Variants in UVRAG observed in about 807,000 individuals in gnomAD.
UVRAG encodes UV radiation resistance-associated gene protein.
In UVRAG, 19 loss-of-function variants were observed where a neutral mutation model predicts 78.0. That is an observed-to-expected ratio of 0.24 (90% CI 0.17 to 0.36). UVRAG has a LOEUF of 0.36. Among genes scored for constraint, UVRAG ranks in the 10% least tolerant of loss-of-function variants. The pLI, the probability that UVRAG is intolerant of heterozygous loss-of-function variation, is 1.00. For synonymous variants in UVRAG, 323 were observed against 324.6 expected, an observed-to-expected ratio of 1.00 and a Z score of 0.05; for missense variants, 740 against 853.8, an observed-to-expected ratio of 0.87 and a Z score of 1.66.
intron 13 of UVRAG, among the ~76,000 whole-genome samples, chr11:76,089,258 T>C (rs1288328043): frequency 6.6e-6 from 1 of 152,186 alleles, no homozygotes; most frequent in Admixed American, 6.5e-5. Flanking sequence ...CCCCAAAATA[T>C]ATGCCTGTGG....
chr11:76,009,851 TTGAA>T (rs1469395223), intron 11 of UVRAG, among the ~76,000 whole-genome samples: 1 of 152,204 alleles, frequency 6.6e-6, no homozygotes, highest in Admixed American at 6.5e-5. Context: ...TCCTAATTGA[TTGAA>T]TGAACTATTA....
At chr11:76,045,845 A>G (rs540972438) in intron 12 of UVRAG, among the ~76,000 whole-genome samples, 4 of 152,280 alleles carry the variant, frequency 2.6e-5, no homozygotes, top group African/African-American at 9.6e-5. Flanking sequence ...AAGTTATCCA[A>G]CAAATAATAA....
intron 12 of UVRAG, among the ~76,000 whole-genome samples, chr11:76,040,911 T>A (rs1950637167): frequency 6.6e-6 from 1 of 152,074 alleles, no homozygotes; most frequent in Admixed American, 6.6e-5. Context: ...ACGGTAACAA[T>A]CAGCAGACAA....
chr11:76,052,124 T>C (rs1316504393), intron 12 of UVRAG, among the ~76,000 whole-genome samples: 2 of 152,232 alleles, frequency 1.3e-5, no homozygotes, highest in Non-Finnish European at 2.9e-5. Flanking sequence ...ATTAGGCTGA[T>C]TATATGAGCA....
intron 13 of UVRAG, among the ~76,000 whole-genome samples, chr11:76,102,551 G>C (rs970793033): frequency 1.3e-5 from 2 of 152,024 alleles, no homozygotes; most frequent in Non-Finnish European, 2.9e-5. Context: ...CTGTTAGGAT[G>C]CCCTTTATTT....
intron 5 of UVRAG, among the ~76,000 whole-genome samples, chr11:75,898,981 T>G (rs972840896): frequency 2.6e-5 from 4 of 152,144 alleles, no homozygotes; most frequent in African/African-American, 9.7e-5. Flanking sequence ...GTAAAGCCAA[T>G]ATTTTAATAA....
At chr11:76,087,356 T>C (rs1951605950) in intron 13 of UVRAG, among the ~76,000 whole-genome samples, 1 of 152,244 alleles carries the variant, frequency 6.6e-6, no homozygotes, top group Admixed American at 6.5e-5. Flanking sequence ...GTCCCTACTT[T>C]GTTTTCTTTT....
intron 14 of UVRAG, among the ~76,000 whole-genome samples, chr11:76,135,317 A>G (rs1416455350): frequency 6.6e-6 from 1 of 152,194 alleles, no homozygotes; most frequent in Non-Finnish European, 1.5e-5. Flanking sequence ...AGATAAGAAA[A>G]GATAGTTGAT....
At chr11:75,965,824 GT>G (rs1487589735) in intron 7 of UVRAG, among the ~76,000 whole-genome samples, 13 of 152,032 alleles carry the variant, frequency 8.6e-5, no homozygotes, top group Non-Finnish European at 1.6e-4. Flanking sequence ...GTTATTTATA[GT>G]TTTTTGGGAT....
At chr11:75,831,515 A>C (rs923465231) in intron 1 of UVRAG, among the ~76,000 whole-genome samples, 2 of 144,520 alleles carry the variant, frequency 1.4e-5, no homozygotes, top group Non-Finnish European at 3.0e-5. Context: ...AAAAAAAAAA[A>C]CAAAACTAGT....
intron 3 of UVRAG, among the ~76,000 whole-genome samples, chr11:75,864,010 T>C (rs955479932): frequency 1.3e-5 from 2 of 152,134 alleles, no homozygotes; most frequent in African/African-American, 4.8e-5. Context: ...TTTGAGATTT[T>C]GGCAAGGATT....
chr11:75,854,806 G>T (rs569547268), intron 2 of UVRAG, among the ~76,000 whole-genome samples: 3 of 152,244 alleles, frequency 2.0e-5, no homozygotes, highest in Non-Finnish European at 2.9e-5. Context: ...GCTACTATTT[G>T]GTTTAAGGGT....
At chr11:76,133,510 A>G (rs894022987) in intron 14 of UVRAG, among the ~76,000 whole-genome samples, 1 of 152,214 alleles carries the variant, frequency 6.6e-6, no homozygotes, top group Non-Finnish European at 1.5e-5. Context: ...ATGGTGGAGT[A>G]GAGGAAACTG....
chr11:75,908,471 T>C (rs182469904), intron 5 of UVRAG, among the ~76,000 whole-genome samples: 1 of 152,354 alleles, frequency 6.6e-6, no homozygotes, highest in African/African-American at 2.4e-5. Flanking sequence ...TGTAATTCTT[T>C]TAATATGCCA....
At chr11:76,083,092 T>G (rs1443151542) in intron 13 of UVRAG, among the ~76,000 whole-genome samples, 1 of 152,174 alleles carries the variant, frequency 6.6e-6, no homozygotes, top group Non-Finnish European at 1.5e-5. Flanking sequence ...GTGTACCCCC[T>G]GAATCTAAAA....
At chr11:75,824,364 GT>G (rs1945464483) in intron 1 of UVRAG, among the ~76,000 whole-genome samples, 1 of 149,884 alleles carries the variant, frequency 6.7e-6, no homozygotes, top group Non-Finnish European at 1.5e-5. Flanking sequence ...TATGTTTTTT[GT>G]TTGTTTCTCT....
intron 3 of UVRAG, among the ~76,000 whole-genome samples, chr11:75,865,021 C>T (rs188388037): frequency 1.0e-3 from 153 of 152,254 alleles, no homozygotes; most frequent in African/African-American, 3.5e-3. Context: ...AGTGTGGTGG[C>T]CTACGCCTGT....
At chr11:75,856,052 C>T (rs746634411) in intron 2 of UVRAG, among the ~76,000 whole-genome samples, 1 of 152,266 alleles carries the variant, frequency 6.6e-6, no homozygotes, top group Admixed American at 6.5e-5. Flanking sequence ...TGCAGTGGCG[C>T]GATTCCAGCT....
intron 8 of UVRAG, among the ~76,000 whole-genome samples, chr11:75,985,411 G>C (rs913194678): frequency 1.3e-5 from 2 of 151,764 alleles, no homozygotes; most frequent in Admixed American, 1.3e-4. Flanking sequence ...TGGTTTGACT[G>C]TCTTTTTGTT....
Sources: gnomAD v4.1 joint callset for allele counts (sites outside exome capture counted in the v4.1 genomes callset) on GRCh38, gnomAD v4.1.1 for gene constraint, MANE v1.5 for transcripts, NCBI Gene and HGNC (gene_info 2026-07-23, HGNC 2026-07-21) for gene names.